Variants in PRKAG1 observed in about 807,000 individuals in gnomAD.
PRKAG1 encodes the protein 5'-AMP-activated protein kinase subunit gamma-1.
A neutral mutation model predicts 48.2 loss-of-function variants in PRKAG1; 27 were observed. That is an observed-to-expected ratio of 0.56 (90% CI 0.41 to 0.77). The LOEUF is 0.77. PRKAG1 is among the 30% of genes least tolerant of loss of function. The pLI is 0.00. For missense variants in PRKAG1, 287 were observed against 398.3 expected (o/e 0.72, Z 2.38); for synonymous variants, 130 against 147.7 (o/e 0.88, Z 0.87).
At chr12:49,008,636 A>T (rs1340308738) in intron 2 of PRKAG1, 1 of 152,096 alleles carries the variant, frequency 6.6e-6, no homozygotes, top group Non-Finnish European at 1.5e-5. Context: ...TGTTTTTGAG[A>T]CCTTGCAGCC....
Position 49,005,319 on chromosome 12 carries a change from T to C in PRKAG1, c.296A>G (p.Tyr99Cys), listed in dbSNP as rs576758349. The change falls in exon 5 of 12, where the codon TAT becomes TGT. Residue 99 changes from tyrosine to cysteine, a missense_variant. Coordinates refer to ENST00000548065, the MANE Select transcript of PRKAG1 (RefSeq NM_002733.5). The surrounding 1 kb of genome is among the most constrained non-coding windows in gnomAD (Gnocchi z 4.1). ...AAGGTTCCTTACCAAGGCTGATTTATAGTAGCGGTGCAGGATATTGATGAA... is the reference window on the plus strand; with the variant it reads ...AAGGTTCCTTACCAAGGCTGATTTACAGTAGCGGTGCAGGATATTGATGAA... Reference protein sequence around the residue: ...TDFINILHRYYKSALVQIYEL... With the variant: ...TDFINILHRYCKSALVQIYEL... 2 of 1,614,184 alleles carry C rather than the reference T, an allele frequency of 1.2e-6. No individual in the cohort carries two copies. The highest frequency in any genetic ancestry group is 2.2e-5 in the East Asian group (1 of 44,880).
In PRKAG1 at chr12:49,004,618, G is replaced by A; in HGVS notation, c.426C>T (p.Val142=). The A allele has an allele frequency of 6.2e-7, 1 of 1,614,094 alleles. No homozygotes were observed. Among genetic ancestry groups the A allele is most frequent in the Non-Finnish European group, 8.5e-7 (1 of 1,180,000 alleles). The part of the protein sequence containing the change: ...ISPNASLFDA[V]SSLIRNKIHR... ...GGATCTTGTTCCGAATTAATGAAGA[G>A]ACAGCATCAAACAAGCTGTGAGAGG... Residue 142 remains valine (V), a synonymous_variant, in exon 8 of 12, where the codon GTC becomes GTT. Transcript: ENST00000548065.
intron 1 of PRKAG1, among the ~76,000 whole-genome samples, chr12:49,013,395 C>A (rs1290767548): frequency 6.6e-6 from 1 of 152,082 alleles, no homozygotes; most frequent in African/African-American, 2.4e-5. Context: ...CAGGTGCAAG[C>A]CACTATACCC....
At chr12:49,012,436 G>A (rs1941797697) in intron 2 of PRKAG1, among the ~76,000 whole-genome samples, 2 of 150,508 alleles carry the variant, frequency 1.3e-5, no homozygotes, top group South Asian at 4.2e-4. Context: ...GGAGTGCAAT[G>A]GCACGATCTT....
At chr12:49,018,574 A>G in intron 1 of PRKAG1, 158 bp downstream of exon 1, 1 of 1,485,572 alleles carries the variant, frequency 6.7e-7, no homozygotes, top group Non-Finnish European at 8.9e-7. Context: ...CCCAACGAAG[A>G]AGCGGAGGAA....
intron 1 of PRKAG1, 119 bp downstream of exon 1, chr12:49,018,613 G>A (rs1408069418): frequency 1.3e-6 from 2 of 1,579,672 alleles, no homozygotes; most frequent in East Asian, 2.3e-5. Context: ...CAGACACCCG[G>A]CTGCTTTTTG....
chr12:49,005,323 A>G lies in PRKAG1; in HGVS notation c.292T>C (p.Tyr98His), dbSNP rs979505331. 1 of 1,614,078 alleles carries G rather than the reference A, an allele frequency of 6.2e-7. No individual in the cohort carries two copies. The highest frequency in any genetic ancestry group is 8.5e-7 in the Non-Finnish European group (1 of 1,180,036). ...ITDFINILHR[Y>H]YKSALVQIYE... ...TTCCTTACCAAGGCTGATTTATAGT[A>G]GCGGTGCAGGATATTGATGAAATCA... is the stretch of plus-strand genomic sequence containing the variant. Residue 98 changes from tyrosine to histidine, a missense_variant, in exon 5 of 12, where the codon TAC (tyrosine) becomes CAC (histidine). Physicochemically the swap from Tyr to His is moderately conservative, Grantham distance 83. Transcript: ENST00000548065. The surrounding 1 kb of genome is among the most constrained non-coding windows in gnomAD (Gnocchi z 4.1).
intron 1 of PRKAG1, among the ~76,000 whole-genome samples, chr12:49,015,943 TCTAC>T (rs773481521): frequency 7.3e-6 from 1 of 137,452 alleles, no homozygotes; most frequent in Non-Finnish European, 1.6e-5. Flanking sequence ...TCTACTCCTT[TCTAC>T]CTTTTTTTTT....
chr12:49,011,828 G>A lies in PRKAG1; in HGVS notation c.58+1234C>T, dbSNP rs551261977. Among the ~76,000 whole-genome samples, 10 of 150,638 alleles carry A rather than the reference G, an allele frequency of 6.6e-5. No homozygotes were observed. In the South Asian group the frequency reaches 2.1e-3, roughly 32 times the overall value. On this transcript the variant is annotated intron_variant, in intron 2 of 11. Coordinates refer to ENST00000548065, the MANE Select transcript of PRKAG1 (RefSeq NM_002733.5). ...CCACCTGCCTTGGCCTCCCAATGTG[G>A]TGGGATTACAGGCGTGAGCCACCAC...
At chr12:49,009,682 G>A (rs1941681504) in intron 2 of PRKAG1, among the ~76,000 whole-genome samples, 1 of 151,854 alleles carries the variant, frequency 6.6e-6, no homozygotes, top group African/African-American at 2.4e-5. Context: ...GTGCAATCTC[G>A]GCTCACAGCA....
intron 2 of PRKAG1, chr12:49,008,317 C>T (rs1160538345): frequency 6.6e-6 from 1 of 152,008 alleles, no homozygotes; most frequent in East Asian, 1.9e-4. Flanking sequence ...CTAATCCAAC[C>T]CCCAAATGCT....
intron 1 of PRKAG1, among the ~76,000 whole-genome samples, chr12:49,014,863 CACA>C (rs1565741050): frequency 6.6e-6 from 1 of 152,216 alleles, no homozygotes; most frequent in Non-Finnish European, 1.5e-5. Context: ...CAGAAGGGAT[CACA>C]ACAATTTTCA....
chr12:49,002,905 C>T lies in PRKAG1; in HGVS notation c.990G>A (p.Lys330=), dbSNP rs200604151. 6.2e-7 allele frequency: 1 copy of T among 1,613,936 alleles called. No individual in the cohort carries two copies. The highest frequency in any genetic ancestry group is 1.6e-4 in the Middle Eastern group (1 of 6,062). Residue 330 remains lysine (K), a synonymous_variant, in exon 12 of 12, where the codon AAG becomes AAA. Transcript: ENST00000548065. ...QALVLTGGEK[K]P is the part of the protein sequence containing the mutation. ...CATGACCCCTTCCCCCAGCTCAGGG[C>T]TTCTTCTCTCCACCTGTGAGCACCA...
chr12:49,010,101 T>C (rs1451631037), intron 2 of PRKAG1, among the ~76,000 whole-genome samples: 3 of 152,182 alleles, frequency 2.0e-5, no homozygotes, highest in Admixed American at 2.0e-4. Flanking sequence ...ATTTATTTTT[T>C]ACCAGGGAGA....
rs146929850 is a variant in PRKAG1, at chr12:49,011,887, T to C, written c.58+1175A>G. On this transcript the variant is annotated intron_variant, in intron 2 of 11. Coordinates refer to ENST00000548065, the MANE Select transcript of PRKAG1 (RefSeq NM_002733.5). ...GCCTTTAGTTTTTTGAGACAGAGTC[T>C]TGTGCTGTCGCCCAGGCTGGGGTGT... is the stretch of plus-strand genomic sequence containing the variant. Among the ~76,000 whole-genome samples, 862 of 149,796 alleles carry C rather than the reference T, an allele frequency of 5.8e-3. 9 individuals carry two copies. Among genetic ancestry groups the C allele is most frequent in the African/African-American group, 0.02 (827 of 40,410 alleles).
At chr12:49,004,433 GT>G in intron 8 of PRKAG1, 73 bp downstream of exon 8, 1 of 1,567,170 alleles carries the variant, frequency 6.4e-7, no homozygotes, top group East Asian at 2.3e-5. Flanking sequence ...GTGAGACCTC[GT>G]CTCTCTTTTC....
intron 2 of PRKAG1, among the ~76,000 whole-genome samples, chr12:49,006,321 T>G (rs1474713070): frequency 6.6e-6 from 1 of 152,098 alleles, no homozygotes; most frequent in Non-Finnish European, 1.5e-5. Context: ...GAGGATCACT[T>G]GAACCCAGGA....
chr12:49,014,985 A>G (rs753159174), intron 1 of PRKAG1, among the ~76,000 whole-genome samples: 3 of 152,240 alleles, frequency 2.0e-5, no homozygotes, highest in Admixed American at 6.5e-5. Context: ...AAAAACTTCA[A>G]CCTGGGAGGT....
In PRKAG1 at chr12:49,005,798, C is replaced by G; in HGVS notation, c.113G>C (p.Cys38Ser). Residue 38 changes from cysteine to serine, a missense_variant, in exon 3 of 12, where the codon TGC (cysteine) becomes TCC (serine). By Grantham distance (112) the Cys-to-Ser change is moderately radical. Around this residue, in one of 2 missense-constraint regions of PRKAG1, gnomAD observed 63 missense variants for 54.0 expected, o/e 1.17. Coordinates refer to ENST00000548065, the MANE Select transcript of PRKAG1 (RefSeq NM_002733.5). This position sits in a 1 kb window ranked among gnomAD's most constrained non-coding sequence, Gnocchi z 4.1. ...VYTSFMKSHR[C>S]YDLIPTSSKL... is the part of the protein sequence containing the mutation. ...GGAGCTTGTGGGAATCAGGTCATAG[C>G]AGCGATGAGACTTCATGAAGGAAGT... is the stretch of plus-strand genomic sequence containing the variant. 6.2e-7 allele frequency: 1 copy of G among 1,613,890 alleles called. No individual in the cohort carries two copies.
Sources: allele counts gnomAD v4.1 joint callset (sites outside exome capture counted in the v4.1 genomes callset), GRCh38; gene constraint gnomAD v4.1.1; regional missense constraint gnomAD v4.1.1; non-coding constraint Gnocchi (gnomAD v3.1); transcripts MANE v1.5; gene names NCBI Gene and HGNC (gene_info 2026-07-23, HGNC 2026-07-21).